Variants in PTPRJ observed in about 807,000 individuals in gnomAD.
The protein encoded by PTPRJ is receptor-type tyrosine-protein phosphatase eta.
PTPRJ carries 129 observed loss-of-function variants against 141.3 expected under a neutral mutation model. That is an observed-to-expected ratio of 0.91 (90% CI 0.79 to 1.06). The LOEUF (loss-of-function observed/expected upper bound fraction) is 1.06. PTPRJ is among the 50% of genes least tolerant of loss of function. PTPRJ has a pLI of 0.00. For synonymous variants in PTPRJ, 610 were observed against 640.5 expected (o/e 0.95, Z 0.72); for missense variants, 1,601 against 1,679.7 (o/e 0.95, Z 0.82).
intron 1 of PTPRJ, among the ~76,000 whole-genome samples, chr11:48,053,067 C>T: frequency 7.5e-6 from 1 of 133,582 alleles, no homozygotes; most frequent in Non-Finnish European, 1.5e-5. Flanking sequence ...TTTTTTTTCC[C>T]CTCCAACAGA....
At chr11:48,107,612 A>G (rs534948409) in intron 1 of PTPRJ, among the ~76,000 whole-genome samples, 9 of 152,198 alleles carry the variant, frequency 5.9e-5, no homozygotes, top group Non-Finnish European at 1.3e-4. Flanking sequence ...GGCCAGCAGA[A>G]GCTTTGGGTC....
At chr11:47,998,666 C>T (rs1854407603) in intron 1 of PTPRJ, among the ~76,000 whole-genome samples, 1 of 152,228 alleles carries the variant, frequency 6.6e-6, no homozygotes, top group African/African-American at 2.4e-5. Context: ...GCAGTGCCCC[C>T]GGCAAGGTGC....
chr11:48,155,768 A>G (rs1857583702), intron 19 of PTPRJ, 33 bp from the exon 20 acceptor site: 2 of 1,513,414 alleles, frequency 1.3e-6, no homozygotes, highest in South Asian at 1.2e-5. Flanking sequence ...ACATTTGCTT[A>G]TAATGGGGAC....
chr11:48,058,682 T>C (rs1336298881), intron 1 of PTPRJ, among the ~76,000 whole-genome samples: 2 of 152,212 alleles, frequency 1.3e-5, no homozygotes, highest in African/African-American at 4.8e-5. Flanking sequence ...CGGGGCTCTC[T>C]TCCTGGTCTC....
At chr11:48,112,621 GAGAA>G (rs1856469353) in intron 2 of PTPRJ, 122 bp from the exon 3 acceptor site, 1 of 722,696 alleles carries the variant, frequency 1.4e-6, no homozygotes, top group Admixed American at 2.4e-5. Context: ...ATACAAAGAA[GAGAA>G]AGAGAGGGAT....
At chr11:48,028,716 A>G (rs1002059770) in intron 1 of PTPRJ, among the ~76,000 whole-genome samples, 2 of 152,152 alleles carry the variant, frequency 1.3e-5, no homozygotes, top group Non-Finnish European at 2.9e-5. Context: ...GCTTGAACCC[A>G]GGAGGCAGAG....
intron 1 of PTPRJ, among the ~76,000 whole-genome samples, chr11:48,106,763 C>CTTTTTTTTTTTTTTTTTTTTTT (rs35643138): frequency 2.3e-5 from 2 of 86,432 alleles, no homozygotes; most frequent in Non-Finnish European, 4.6e-5. Context: ...TTCTTTCTTT[C>CTTTTTTTTTTTTTTTTTTTTTT]TTTTTTTTTT....
At chr11:48,066,523 C>T (rs878980495) in intron 1 of PTPRJ, among the ~76,000 whole-genome samples, 1 of 151,122 alleles carries the variant, frequency 6.6e-6, no homozygotes, top group Admixed American at 6.6e-5. Flanking sequence ...GGAAACTAGT[C>T]AGGGGCTGGT....
At chr11:48,128,669 T>G (rs1204771884) in intron 7 of PTPRJ, among the ~76,000 whole-genome samples, 2 of 152,092 alleles carry the variant, frequency 1.3e-5, no homozygotes, top group African/African-American at 4.8e-5. Context: ...GCCATGAGAT[T>G]TATAGACACT....
chr11:48,156,548 A>C (rs1419223772), intron 21 of PTPRJ, among the ~76,000 whole-genome samples: 3 of 143,782 alleles, frequency 2.1e-5, no homozygotes, highest in Admixed American at 2.1e-4. Context: ...TAGGTTGAGC[A>C]CTGAACCCCT....
At chr11:48,165,795 ATCTC>A (rs1857902546) in intron 24 of PTPRJ, among the ~76,000 whole-genome samples, 1 of 152,062 alleles carries the variant, frequency 6.6e-6, no homozygotes, top group African/African-American at 2.4e-5. Flanking sequence ...CTAGAGTCTA[ATCTC>A]TTTTTTATAT....
At chr11:48,002,509 C>G (rs113712319) in intron 1 of PTPRJ, among the ~76,000 whole-genome samples, 1,685 of 149,702 alleles carry the variant, frequency 0.011, 31 homozygotes, top group African/African-American at 0.041. Context: ...GCTTCAAATC[C>G]TTATTGAGCA....
At chr11:48,105,188 A>G (rs1856256947) in intron 1 of PTPRJ, among the ~76,000 whole-genome samples, 1 of 146,166 alleles carries the variant, frequency 6.8e-6, no homozygotes, top group South Asian at 2.2e-4. Flanking sequence ...CTCCCTCCCC[A>G]TCCCTCAAGC....
Position 48,123,658 on chromosome 11 carries a change from G to A in PTPRJ, c.662G>A (p.Arg221Lys). 2 of 1,614,186 alleles carry A rather than the reference G, an allele frequency of 1.2e-6. No homozygotes were observed. Among genetic ancestry groups the A allele is most frequent in the Non-Finnish European group, 1.7e-6 (2 of 1,180,014 alleles). ...SDLRVALTGV[R>K]KAALSWSNGN... ...CTCCGTGTTGCCCTCACGGGTGTGA[G>A]GAAGGCTGCTCTCTCCTGGAGCAAT... The change falls in exon 5 of 25, where the codon AGG becomes AAG. Residue 221 changes from arginine (R) to lysine (K), a missense_variant. Transcript: ENST00000418331.
chr11:48,103,506 C>CA lies in PTPRJ; in HGVS notation c.97-6545dup, dbSNP rs1856206452. ...AAACAAATTAAAAAACAAAACAAAC[C>CA]AAAAAAACCAACCAACACATTTGCC... On this transcript the variant is annotated intron_variant, in intron 1 of 24. Transcript: ENST00000418331. Among the ~76,000 whole-genome samples, 5 of 151,824 alleles carry CA rather than the reference C, an allele frequency of 3.3e-5. No individual in the cohort carries two copies. The South Asian group carries it at 1.0e-3, about 32-fold the overall frequency.
At chr11:48,079,155 TA>T (rs56332476) in intron 1 of PTPRJ, among the ~76,000 whole-genome samples, 5,936 of 144,172 alleles carry the variant, frequency 0.041, 330 homozygotes, top group African/African-American at 0.13. Context: ...GCTGATGAGC[TA>T]AAAAAAAAAA....
chr11:48,113,250 A>G (rs997188392), intron 3 of PTPRJ, among the ~76,000 whole-genome samples: 1 of 152,222 alleles, frequency 6.6e-6, no homozygotes, highest in Non-Finnish European at 1.5e-5. Flanking sequence ...GCATATGTAT[A>G]TACATATATA....
At chr11:48,156,766 T>C (rs1857618643) in intron 21 of PTPRJ, among the ~76,000 whole-genome samples, 1 of 152,072 alleles carries the variant, frequency 6.6e-6, no homozygotes. Flanking sequence ...TTTTTATTTT[T>C]AGTGGAGGCA....
At chr11:48,123,305 G>C (rs1265822560) in intron 4 of PTPRJ, among the ~76,000 whole-genome samples, 4 of 152,196 alleles carry the variant, frequency 2.6e-5, no homozygotes, top group African/African-American at 9.7e-5. Flanking sequence ...GTTTAGAAGA[G>C]TGTCCAGTCA....
Sources: gnomAD v4.1 joint callset for allele counts (sites outside exome capture counted in the v4.1 genomes callset) on GRCh38, gnomAD v4.1.1 for gene constraint, MANE v1.5 for transcripts, NCBI Gene and HGNC (gene_info 2026-07-23, HGNC 2026-07-21) for gene names.